TLK1: variants seen among roughly 807,000 people sequenced by gnomAD.
TLK1 encodes the protein tousled like kinase 1.
TLK1 carries 24 observed loss-of-function variants against 105.3 expected under a neutral mutation model. The observed-to-expected ratio is 0.23, with a 90% CI of 0.17 to 0.32. The LOEUF (loss-of-function observed/expected upper bound fraction) is 0.32. TLK1 is among the 10% of genes least tolerant of loss of function. The pLI, the probability that TLK1 is intolerant of heterozygous loss-of-function variation, is 1.00. For synonymous variants in TLK1, 321 were observed against 310.4 expected, an observed-to-expected ratio of 1.03 and a Z score of -0.36; for missense variants, 558 against 910.5, an observed-to-expected ratio of 0.61 and a Z score of 4.98.
chr2:171,086,280 C>G (rs1013255566), intron 2 of TLK1, among the ~76,000 whole-genome samples: 2 of 152,004 alleles, frequency 1.3e-5, no homozygotes, highest in African/African-American at 4.8e-5. Context: ...TTAAAAAAGC[C>G]ACTACCTGAA....
At chr2:171,166,441 C>A (rs545829317) in intron 1 of TLK1, among the ~76,000 whole-genome samples, 2 of 152,228 alleles carry the variant, frequency 1.3e-5, no homozygotes, top group African/African-American at 2.4e-5. Context: ...AGGCCAAATG[C>A]CCCACCACCC....
At chr2:171,040,577 T>C (rs939585329) in intron 11 of TLK1, among the ~76,000 whole-genome samples, 1 of 148,600 alleles carries the variant, frequency 6.7e-6, no homozygotes, top group African/African-American at 2.5e-5. Context: ...TGTTTTTTTT[T>C]TTTTTTTTTT....
At chr2:171,005,727 T>C (rs6433275) in intron 18 of TLK1, among the ~76,000 whole-genome samples, 151,029 of 152,324 alleles carry the variant, frequency 0.99, 74,880 homozygotes, top group East Asian at 1. Context: ...CAAAATAAAA[T>C]GAAAATTCCT....
At chr2:171,052,578 T>C (rs1198157416) in intron 8 of TLK1, among the ~76,000 whole-genome samples, 1 of 152,226 alleles carries the variant, frequency 6.6e-6, no homozygotes, top group East Asian at 1.9e-4. Flanking sequence ...CTCTCTGATA[T>C]ATTTCATTGA....
chr2:171,012,413 T>G (rs1279843997), intron 13 of TLK1, among the ~76,000 whole-genome samples: 1 of 152,196 alleles, frequency 6.6e-6, no homozygotes, highest in African/African-American at 2.4e-5. Context: ...CAGAAAAATG[T>G]GGTTCCAAAA....
intron 2 of TLK1, among the ~76,000 whole-genome samples, chr2:171,112,242 G>A (rs1428079637): frequency 1.3e-5 from 2 of 152,170 alleles, no homozygotes; most frequent in Non-Finnish European, 2.9e-5. Flanking sequence ...GAGCCACCAC[G>A]CCTGGCCTGA....
intron 3 of TLK1, chr2:171,066,948 G>A: frequency 1.9e-6 from 3 of 1,543,312 alleles, no homozygotes; most frequent in Non-Finnish European, 1.7e-6. Flanking sequence ...TTCTGGAAAT[G>A]TTGGCATTTT....
chr2:171,012,356 G>A (rs191199628), intron 13 of TLK1, among the ~76,000 whole-genome samples: 1 of 152,164 alleles, frequency 6.6e-6, no homozygotes, highest in East Asian at 1.9e-4. Flanking sequence ...CTGATGCACA[G>A]AAAAGTTAAG....
rs533129211 is a variant in TLK1, at chr2:171,191,446, G to T, written c.-6+39699C>A. Among the ~76,000 whole-genome samples the T allele has an allele frequency of 2.6e-5, 4 of 152,196 alleles. No individual in the cohort carries two copies. In the South Asian group the frequency reaches 8.3e-4, roughly 32 times the overall value. ...AAAATAAAGTTAGCCGGGCATGGTA[G>T]TGTGTGCCTACAGTCCCAGCTACTA... is the stretch of plus-strand genomic sequence containing the variant. On this transcript the variant is annotated intron_variant, in intron 1 of 20. Transcript: ENST00000521943.
At chr2:171,111,585 C>CAAAAAAAAAAAAAAAACAAAAAAA (rs34969114) in intron 2 of TLK1, among the ~76,000 whole-genome samples, 1 of 113,892 alleles carries the variant, frequency 8.8e-6, no homozygotes. Flanking sequence ...ATCCTGTATT[C>CAAAAAAAAAAAAAAAACAAAAAAA]AAAAAAAAAA....
At chr2:171,044,845 G>A (rs903825555) in intron 11 of TLK1, among the ~76,000 whole-genome samples, 4 of 152,156 alleles carry the variant, frequency 2.6e-5, no homozygotes, top group African/African-American at 9.7e-5. Context: ...ATTCAGTGCT[G>A]CTACGTAAGT....
At position 171,006,900 on chromosome 2, in the gene TLK1, A is replaced by C; in HGVS notation, c.1509-11T>G. On this transcript the variant is annotated splice_polypyrimidine_tract_variant and intron_variant, in intron 15 of 20. Coordinates refer to ENST00000431350, the MANE Select transcript of TLK1 (RefSeq NM_012290.5). ...TCTCTGCAGGCATGTCTATGAGAAG[A>C]CAGTGTATTAATTCTCCATGATCAT... is the stretch of plus-strand genomic sequence containing the variant. 1.2e-6 allele frequency: 2 copies of C among 1,611,020 alleles called. No homozygotes were observed. The highest frequency in any genetic ancestry group is 1.7e-6 in the Non-Finnish European group (2 of 1,178,046).
rs1181006788 is a variant in TLK1, at chr2:170,991,022, T to C, written c.*2758A>G. Reference sequence around the variant, plus strand: ...TGAGTGTTTAAAAAAAAAAAAAAGATTGAGTCTTTATTTTTGAAAAACCAC... The same window carrying C: ...TGAGTGTTTAAAAAAAAAAAAAAGACTGAGTCTTTATTTTTGAAAAACCAC... On this transcript the variant is annotated 3_prime_UTR_variant, in exon 21 of 21. Coordinates refer to ENST00000431350, the MANE Select transcript of TLK1 (RefSeq NM_012290.5). 6.6e-6 allele frequency: 1 copy of C among 151,444 alleles called. No individual in the cohort carries two copies. The highest frequency in any genetic ancestry group is 1.5e-5 in the Non-Finnish European group (1 of 67,918). The allele number at this position is 151,444 out of a possible 1,614,324, so 9.4% of individuals were successfully genotyped here.
chr2:171,091,242 G>A (rs985990210), intron 2 of TLK1, among the ~76,000 whole-genome samples: 1 of 152,140 alleles, frequency 6.6e-6, no homozygotes, highest in African/African-American at 2.4e-5. Context: ...ACAGACATAC[G>A]AAAATCACAA....
intron 1 of TLK1, among the ~76,000 whole-genome samples, chr2:171,195,528 T>G (rs1693257152): frequency 6.9e-6 from 1 of 144,690 alleles, no homozygotes; most frequent in Non-Finnish European, 1.5e-5. Flanking sequence ...AAAAACATAA[T>G]CCACCATGGA....
Position 171,135,319 on chromosome 2 carries a change from G to GTATATATA in TLK1, c.140-17470_140-17463dup, listed in dbSNP as rs201751767. Among the ~76,000 whole-genome samples the GTATATATA allele has an allele frequency of 8.0e-3, 559 of 70,272 alleles. 4 individuals carry two copies. The highest frequency in any genetic ancestry group is 0.03 in the African/African-American group (428 of 14,196). 46.1% of individuals were successfully genotyped at this position (70,272 alleles called of 152,430 possible). On this transcript the variant is annotated intron_variant, in intron 1 of 20. Coordinates refer to ENST00000431350, the MANE Select transcript of TLK1 (RefSeq NM_012290.5). The stretch of plus-strand genomic sequence containing the variant: ...TGTGTGTGTTTGTGTGTGTGTGTGT[G>GTATATATA]TATATATATATATATATATATATAT...
At chr2:171,106,940 C>A (rs1558945441) in intron 2 of TLK1, among the ~76,000 whole-genome samples, 2 of 152,164 alleles carry the variant, frequency 1.3e-5, no homozygotes, top group Non-Finnish European at 2.9e-5. Flanking sequence ...CAAAAACGTC[C>A]TTTATAACTG....
intron 13 of TLK1, among the ~76,000 whole-genome samples, chr2:171,014,581 T>C (rs1456675632): frequency 1.3e-5 from 2 of 152,062 alleles, no homozygotes; most frequent in East Asian, 1.9e-4. Context: ...TTAAGCCAAT[T>C]AGGTGTTTAG....
intron 8 of TLK1, among the ~76,000 whole-genome samples, chr2:171,050,693 A>G (rs754976030): frequency 1.8e-4 from 27 of 152,216 alleles, no homozygotes; most frequent in Non-Finnish European, 2.5e-4. Flanking sequence ...TGTCCTCACC[A>G]TTCTTCCTTA....
Sources: gnomAD v4.1 joint callset for allele counts (sites outside exome capture counted in the v4.1 genomes callset) on GRCh38, gnomAD v4.1.1 for gene constraint, MANE v1.5 for transcripts, NCBI Gene and HGNC (gene_info 2026-07-23, HGNC 2026-07-21) for gene names.